The following HOGA1 variants were observed in gnomAD, a reference collection of about 807,000 sequenced individuals.
HOGA1 encodes 4-hydroxy-2-oxoglutarate aldolase, mitochondrial.
HOGA1 carries 30 observed loss-of-function variants against 34.3 expected under a neutral mutation model. The observed-to-expected ratio is 0.87, with a 90% CI of 0.65 to 1.19. HOGA1 has a LOEUF of 1.19. HOGA1 is among the 50% of genes most tolerant of loss of function. HOGA1 has a pLI of 0.00. For synonymous variants in HOGA1, 161 were observed against 174.0 expected (o/e 0.93, Z 0.59); for missense variants, 417 against 436.5 (o/e 0.96, Z 0.40).
intron 6 of HOGA1, among the ~76,000 whole-genome samples, chr10:97,607,192 C>A (rs1356265759): frequency 6.6e-6 from 1 of 151,890 alleles, no homozygotes; most frequent in Non-Finnish European, 1.5e-5. Flanking sequence ...TAGAAGAGCC[C>A]CCTGGCTGCT....
In HOGA1 at chr10:97,589,591, A is replaced by G. The variant is rs2041000561; in HGVS notation, c.211+4677A>G. 3 of 379,842 alleles carry G rather than the reference A, an allele frequency of 7.9e-6. No homozygotes were observed. The South Asian group carries it at 1.2e-4, about 15-fold the overall frequency. The allele number at this position is 379,842 out of a possible 1,614,324, so 23.5% of individuals were successfully genotyped here. A position where few individuals can be genotyped will look rare whatever the true frequency, so the allele number is the denominator to read the frequency against. ...TCAGGCAATGCCTGCCAGGCTAGAC[A>G]TGAGGGATGCTGCGGCCTCTCCCCA... On this transcript the variant is annotated intron_variant, in intron 1 of 6. Coordinates refer to ENST00000370646, the MANE Select transcript of HOGA1 (RefSeq NM_138413.4).
chr10:97,590,168 C>T (rs768442880), intron 1 of HOGA1: 23 of 1,613,958 alleles, frequency 1.4e-5, no homozygotes, highest in African/African-American at 2.7e-5. Context: ...CGCTCTGCAC[C>T]GGGAATCCTT....
Position 97,612,094 on chromosome 10 carries a change from G to C in HOGA1, c.*435G>C, listed in dbSNP as rs546984315. On this transcript the variant is annotated 3_prime_UTR_variant, in exon 7 of 7. Coordinates refer to ENST00000370646, the MANE Select transcript of HOGA1 (RefSeq NM_138413.4). The stretch of plus-strand genomic sequence containing the variant: ...TGCAATGGCATGATCTCGCCTCCTG[G>C]GTTCAAGCGATTCTCCTGCCTCAGC... 1 of 160,676 alleles carries C rather than the reference G, an allele frequency of 6.2e-6. No individual in the cohort carries two copies. The highest frequency in any genetic ancestry group is 2.4e-5 in the African/African-American group (1 of 41,344). 10.0% of individuals were successfully genotyped at this position (160,676 alleles called of 1,614,324 possible).
chr10:97,610,775 G>A (rs1224608351), intron 6 of HOGA1, among the ~76,000 whole-genome samples: 1 of 152,028 alleles, frequency 6.6e-6, no homozygotes, highest in East Asian at 1.9e-4. Context: ...ACTCCAGCCT[G>A]GGTGACAGAG....
At chr10:97,607,221 C>T (rs2041164295) in intron 6 of HOGA1, among the ~76,000 whole-genome samples, 1 of 152,160 alleles carries the variant, frequency 6.6e-6, no homozygotes, top group African/African-American at 2.4e-5. Flanking sequence ...ACTGCCTCCA[C>T]TGCATTGCCT....
At chr10:97,606,577 A>G (rs1437022089) in intron 6 of HOGA1, among the ~76,000 whole-genome samples, 1 of 151,892 alleles carries the variant, frequency 6.6e-6, no homozygotes, top group African/African-American at 2.4e-5. Context: ...GTGTGGGTCT[A>G]TTTCTGGGTT....
At chr10:97,591,941 C>T (rs529628371) in intron 1 of HOGA1, among the ~76,000 whole-genome samples, 2 of 150,914 alleles carry the variant, frequency 1.3e-5, no homozygotes, top group East Asian at 3.9e-4. Context: ...CGGGTTCATG[C>T]GGTTCTCATG....
Position 97,603,481 on chromosome 10 carries a change from G to A in HOGA1, c.834+1491G>A, listed in dbSNP as rs1045656668. Among the ~76,000 whole-genome samples, 1 of 151,984 alleles carries A rather than the reference G, an allele frequency of 6.6e-6. No homozygotes were observed. Among genetic ancestry groups the A allele is most frequent in the Non-Finnish European group, 1.5e-5 (1 of 68,020 alleles). On this transcript the variant is annotated intron_variant, in intron 6 of 6. Coordinates refer to ENST00000370646, the MANE Select transcript of HOGA1 (RefSeq NM_138413.4). This position sits in a 1 kb window ranked among gnomAD's most constrained non-coding sequence, Gnocchi z 4.5. ...GGGCTCAAGCAGTCCTCCCACCTCA[G>A]CCTCCCAAAATGCTGAGATTACAGG...
At chr10:97,610,661 G>T (rs1248130485) in intron 6 of HOGA1, among the ~76,000 whole-genome samples, 1 of 152,066 alleles carries the variant, frequency 6.6e-6, no homozygotes, top group Non-Finnish European at 1.5e-5. Context: ...CGAGCTTGGT[G>T]TGGTGGCAGG....
chr10:97,590,403 G>A (rs1275714065), intron 1 of HOGA1: 6 of 1,614,004 alleles, frequency 3.7e-6, no homozygotes, highest in African/African-American at 1.3e-5. Context: ...GAGGAGCTGA[G>A]GGCCCTCGAG....
chr10:97,606,027 A>C (rs977136956), intron 6 of HOGA1, among the ~76,000 whole-genome samples: 1 of 151,392 alleles, frequency 6.6e-6, no homozygotes, highest in Non-Finnish European at 1.5e-5. Context: ...GCTCACGCCT[A>C]TAATCCCAGC....
chr10:97,596,272 G>A (rs1191040259), intron 1 of HOGA1, among the ~76,000 whole-genome samples: 1 of 152,212 alleles, frequency 6.6e-6, no homozygotes, highest in Non-Finnish European at 1.5e-5. Context: ...CAGAGTGCAA[G>A]CCTCAGCTGT....
intron 3 of HOGA1, 110 bp from the exon 4 acceptor site, chr10:97,599,570 C>A: frequency 1.4e-6 from 2 of 1,389,642 alleles, no homozygotes; most frequent in African/African-American, 1.4e-5. Context: ...GAGGCCTGTC[C>A]AGGTGGCCCT....
At chr10:97,606,159 C>T (rs952287740) in intron 6 of HOGA1, among the ~76,000 whole-genome samples, 2 of 143,648 alleles carry the variant, frequency 1.4e-5, no homozygotes, top group Admixed American at 7.0e-5. Context: ...AAATTAGCTG[C>T]GGGTAGTGGC....
chr10:97,608,802 T>C (rs904902697), intron 6 of HOGA1, among the ~76,000 whole-genome samples: 1 of 64,092 alleles, frequency 1.6e-5, no homozygotes, highest in Non-Finnish European at 3.8e-5. Context: ...TGGGACTGTT[T>C]CAAAAAAAAA....
intron 6 of HOGA1, among the ~76,000 whole-genome samples, chr10:97,605,185 G>A (rs1048455090): frequency 3.3e-5 from 5 of 152,066 alleles, no homozygotes; most frequent in African/African-American, 9.7e-5. Context: ...GAGGGGGGTC[G>A]AATGCTTGAG....
chr10:97,591,191 G>A (rs2041020064), intron 1 of HOGA1, among the ~76,000 whole-genome samples: 1 of 152,112 alleles, frequency 6.6e-6, no homozygotes, highest in East Asian at 1.9e-4. Context: ...GGGCTTGGAG[G>A]AGAAACAGGC....
At chr10:97,594,706 G>A (rs925081789) in intron 1 of HOGA1, among the ~76,000 whole-genome samples, 3 of 151,956 alleles carry the variant, frequency 2.0e-5, no homozygotes, top group Non-Finnish European at 4.4e-5. Context: ...GGCCAGGCTG[G>A]TCTCGAACTC....
intron 1 of HOGA1, among the ~76,000 whole-genome samples, chr10:97,593,136 G>C (rs1292220916): frequency 6.6e-6 from 1 of 151,934 alleles, no homozygotes. Flanking sequence ...CCTGAGAGTT[G>C]GCTGGGAGGG....
Sources: gnomAD v4.1 joint callset for allele counts (sites outside exome capture counted in the v4.1 genomes callset) on GRCh38, gnomAD v4.1.1 for gene constraint, Gnocchi (gnomAD v3.1) non-coding constraint, MANE v1.5 for transcripts, NCBI Gene and HGNC (gene_info 2026-07-23, HGNC 2026-07-21) for gene names.